GGA3: variants seen among roughly 807,000 people sequenced by gnomAD.
The protein encoded by GGA3 is golgi associated, gamma adaptin ear containing, ARF binding protein 3, also known as ADP-ribosylation factor-binding protein GGA3.
In GGA3, 57 loss-of-function variants were observed where a neutral mutation model predicts 77.5. The ratio of observed to expected loss-of-function variants is 0.74; its 90% CI spans 0.59 to 0.92. The LOEUF (loss-of-function observed/expected upper bound fraction) is 0.92, where lower values mean the gene tolerates loss of function less well. Ranked by LOEUF, GGA3 falls within the 40% of genes least tolerant of loss-of-function variation. GGA3 has a pLI of 0.00. For synonymous variants in GGA3, 416 were observed against 383.7 expected (o/e 1.08, Z -0.98); for missense variants, 970 against 914.9 (o/e 1.06, Z -0.78).
At chr17:75,242,979 C>T in intron 6 of GGA3, 68 bp from the exon 7 acceptor site, 1 of 1,480,382 alleles carries the variant, frequency 6.8e-7, no homozygotes, top group Non-Finnish European at 9.5e-7. Context: ...ACCCCAGAGG[C>T]TCCCCGCAGC....
At chr17:75,244,759 C>T (rs370294595) in intron 3 of GGA3, 42 bp from the exon 4 acceptor site, 45 of 1,338,690 alleles carry the variant, frequency 3.4e-5, no homozygotes, top group Admixed American at 1.3e-4. Context: ...AGGGCGTGCT[C>T]GGGGCTGGAA....
At chr17:75,260,393 C>A (rs1370447678) in intron 1 of GGA3, among the ~76,000 whole-genome samples, 1 of 152,196 alleles carries the variant, frequency 6.6e-6, no homozygotes, top group Non-Finnish European at 1.5e-5. Flanking sequence ...TAATGAATAT[C>A]TGTAAAGTAC....
chr17:75,238,038 A>G lies in GGA3; in HGVS notation c.*241T>C, dbSNP rs2076382693. 1 of 1,301,308 alleles carries G rather than the reference A, an allele frequency of 7.7e-7. No individual in the cohort carries two copies. The highest frequency in any genetic ancestry group is 3.2e-5 in the East Asian group (1 of 31,528). 80.6% of individuals were successfully genotyped at this position (1,301,308 alleles called of 1,614,324 possible). A position where few individuals can be genotyped will look rare whatever the true frequency, so the allele number is the denominator to read the frequency against. ...GCAGTGAAGTCAGGGGCCACTCCGC[A>G]CCCCTGACAGCATATGGCCACTTCA... On this transcript the variant is annotated 3_prime_UTR_variant, in exon 17 of 17. Coordinates refer to ENST00000537686, the MANE Select transcript of GGA3 (RefSeq NM_138619.4).
At chr17:75,242,187 G>A (rs780376348) in intron 8 of GGA3, 149 bp downstream of exon 8, 16 of 816,318 alleles carry the variant, frequency 2.0e-5, no homozygotes, top group Non-Finnish European at 3.0e-5. Flanking sequence ...CTCTACTGAC[G>A]TGGCTGCTGT....
intron 4 of GGA3, 57 bp from the exon 5 acceptor site, chr17:75,243,627 G>GT: frequency 6.4e-7 from 1 of 1,574,140 alleles, no homozygotes; most frequent in Non-Finnish European, 8.7e-7. Context: ...CAGAGAAAGT[G>GT]TAAGGCTCCC....
At chr17:75,250,608 C>T (rs965930369) in intron 1 of GGA3, among the ~76,000 whole-genome samples, 4 of 151,526 alleles carry the variant, frequency 2.6e-5, no homozygotes, top group African/African-American at 7.3e-5. Flanking sequence ...ACTAAAAATA[C>T]TAAAATTAGC....
At chr17:75,260,739 C>G (rs955052940) in intron 1 of GGA3, among the ~76,000 whole-genome samples, 1 of 152,204 alleles carries the variant, frequency 6.6e-6, no homozygotes, top group Admixed American at 6.5e-5. Flanking sequence ...CTTATTAACC[C>G]TCAGGCAGAG....
chr17:75,251,004 C>T (rs759575284), intron 1 of GGA3, among the ~76,000 whole-genome samples: 5 of 151,770 alleles, frequency 3.3e-5, no homozygotes, highest in Admixed American at 6.6e-5. Context: ...CCACTTGAAC[C>T]CAGGAGGCAG....
chr17:75,261,761 C>T (rs972802731), upstream of GGA3: 14 of 1,151,186 alleles, frequency 1.2e-5, no homozygotes, highest in Non-Finnish European at 1.6e-5. Context: ...CCTTTGGACC[C>T]CGGAGTGAAA....
intron 1 of GGA3, among the ~76,000 whole-genome samples, chr17:75,256,093 C>G (rs1255041460): frequency 6.6e-6 from 1 of 152,146 alleles, no homozygotes; most frequent in African/African-American, 2.4e-5. Flanking sequence ...AACAACAACT[C>G]CTTTCCTTCC....
chr17:75,258,952 C>CTTTT (rs1189517940), intron 1 of GGA3, among the ~76,000 whole-genome samples: 1 of 131,342 alleles, frequency 7.6e-6, no homozygotes, highest in Non-Finnish European at 1.6e-5. Flanking sequence ...TGCCTTGTAT[C>CTTTT]TTTTTTTTTT....
At chr17:75,244,833 C>T (rs1411951030) in intron 3 of GGA3, 116 bp from the exon 4 acceptor site, 1 of 717,272 alleles carries the variant, frequency 1.4e-6, no homozygotes, top group East Asian at 2.5e-5. Context: ...CAGGAAGGAG[C>T]TCATCACGAA....
chr17:75,239,642 C>A, intron 13 of GGA3, 71 bp from the exon 14 acceptor site: 1 of 1,457,294 alleles, frequency 6.9e-7, no homozygotes, highest in East Asian at 2.4e-5. Context: ...CCCAAGGCCC[C>A]TGACCATGCT....
Position 75,246,762 on chromosome 17 carries a change from G to C in GGA3, c.75C>G (p.Asp25Glu), listed in dbSNP as rs781077057. ...CACAGAAGCCAATTATGTATTCCCA[G>C]TCCTCCTGGCGGTTGGAAGGATTGG... ...KATNPSNRQEDWEYIIGFCDQ... is the reference protein window; with the variant it reads ...KATNPSNRQEEWEYIIGFCDQ... Residue 25 changes from aspartate to glutamate, a missense_variant, in exon 2 of 17, where the codon GAC becomes GAG. Transcript: ENST00000537686. 1 of 1,613,654 alleles carries C rather than the reference G, an allele frequency of 6.2e-7. No homozygotes were observed. The highest frequency in any genetic ancestry group is 2.2e-5 in the East Asian group (1 of 44,878).
chr17:75,239,171 G>T, intron 14 of GGA3, 88 bp from the exon 15 acceptor site: 1 of 1,244,818 alleles, frequency 8.0e-7, no homozygotes, highest in Non-Finnish European at 1.1e-6. Flanking sequence ...GCTACTCCGT[G>T]GTCATGATGA....
chr17:75,259,506 G>A (rs1250493365), intron 1 of GGA3, among the ~76,000 whole-genome samples: 1 of 152,186 alleles, frequency 6.6e-6, no homozygotes, highest in African/African-American at 2.4e-5. Context: ...ACATCAGACT[G>A]AGTAGAGCAG....
chr17:75,243,687 T>C, intron 4 of GGA3, 117 bp from the exon 5 acceptor site: 1 of 978,918 alleles, frequency 1.0e-6, no homozygotes, highest in South Asian at 1.6e-5. Flanking sequence ...ACTCAAAATC[T>C]GCAGGTGTCC....
intron 3 of GGA3, among the ~76,000 whole-genome samples, chr17:75,245,967 T>C (rs184813308): frequency 1.1e-4 from 16 of 152,354 alleles, no homozygotes; most frequent in African/African-American, 1.9e-4. Flanking sequence ...GGCTGCTCTT[T>C]GTTTTCGGAG....
chr17:75,242,540 C>T, intron 7 of GGA3, 67 bp from the exon 8 acceptor site: 1 of 1,579,570 alleles, frequency 6.3e-7, no homozygotes. Flanking sequence ...TCCACCAGGT[C>T]ACACCTTACC....
Sources: allele counts gnomAD v4.1 joint callset (sites outside exome capture counted in the v4.1 genomes callset), GRCh38; gene constraint gnomAD v4.1.1; transcripts MANE v1.5; gene names NCBI Gene and HGNC (gene_info 2026-07-23, HGNC 2026-07-21).